The following SRRM1 variants were observed in gnomAD, a reference collection of about 807,000 sequenced individuals.
The protein encoded by SRRM1 is serine and arginine repetitive matrix 1.
In SRRM1, 19 loss-of-function variants were observed where a neutral mutation model predicts 110.2. The ratio of observed to expected loss-of-function variants is 0.17; its 90% CI spans 0.12 to 0.25. The LOEUF (loss-of-function observed/expected upper bound fraction) is 0.25. Among genes scored for constraint, SRRM1 ranks in the 10% least tolerant of loss-of-function variants. The pLI, the probability that SRRM1 is intolerant of heterozygous loss-of-function variation, is 1.00. For missense variants in SRRM1, 918 were observed against 1,145.8 expected (o/e 0.80, Z 2.87); for synonymous variants, 443 against 414.9 (o/e 1.07, Z -0.82).
rs746032331 is a variant in SRRM1, at chr1:24,653,002, G to A, written c.1010G>A (p.Arg337Lys). 4.3e-6 allele frequency: 7 copies of A among 1,613,718 alleles called. No homozygotes were observed. The highest frequency in any genetic ancestry group is 5.1e-6 in the Non-Finnish European group (6 of 1,179,790). Residue 337 changes from arginine (R) to lysine (K), a missense_variant, in exon 8 of 17, where the codon AGG becomes AAG. Physicochemically the swap from Arg to Lys is conservative, Grantham distance 26 (BLOSUM62 2). Transcript: ENST00000323848. ...CCAAGAAGAATGCCTCCTCCACCAAGGCATAGAAGGAGTAGATCTCCAGTA... is the reference window on the plus strand; with the variant it reads ...CCAAGAAGAATGCCTCCTCCACCAAAGCATAGAAGGAGTAGATCTCCAGTA... ...TPPRRMPPPP[R>K]HRRSRSPVRR...
chr1:24,651,727 T>C lies in SRRM1; in HGVS notation c.725+115T>C, dbSNP rs964024579. The C allele has an allele frequency of 1.1e-5, 10 of 904,878 alleles. No homozygotes were observed. The African/African-American group carries it at 1.4e-4, about 12-fold the overall frequency. 56.1% of individuals were successfully genotyped at this position (904,878 alleles called of 1,614,324 possible). On this transcript the variant is annotated intron_variant, in intron 6 of 16. Coordinates refer to ENST00000323848, the MANE Select transcript of SRRM1 (RefSeq NM_005839.4). ...TATTTTCCTTTTAGATTTTTTAAAT[T>C]ATAAAATTAGTTTGTTGAAAAGAAA...
At chr1:24,653,366 T>TA (rs2148394256) in intron 8 of SRRM1, among the ~76,000 whole-genome samples, 1 of 152,324 alleles carries the variant, frequency 6.6e-6, no homozygotes, top group South Asian at 2.1e-4. Flanking sequence ...AAGTAGCTGA[T>TA]TATAGGGCCA....
At chr1:24,665,358 G>A (rs1193674382) in intron 12 of SRRM1, among the ~76,000 whole-genome samples, 2 of 152,042 alleles carry the variant, frequency 1.3e-5, no homozygotes, top group African/African-American at 4.8e-5. Context: ...GAATCCGGGA[G>A]GTGGAGGTTG....
At chr1:24,643,693 G>A (rs1570603816) in intron 1 of SRRM1, 1 of 336,080 alleles carries the variant, frequency 3.0e-6, no homozygotes, top group Non-Finnish European at 5.4e-6. Flanking sequence ...CGGAGCCGGA[G>A]GAGGAAGTCC....
chr1:24,643,455 C>A (rs1239905932), intron 1 of SRRM1, 108 bp downstream of exon 1: 26 of 748,444 alleles, frequency 3.5e-5, no homozygotes, highest in Non-Finnish European at 4.6e-5. Context: ...CTTCGGAGAT[C>A]TTAAGGATTC....
At position 24,666,867 on chromosome 1, in the gene SRRM1, CCTT is replaced by C. The variant is rs1670272683; in HGVS notation, c.1684_1686del (p.Ser562del). The stretch of plus-strand genomic sequence containing the variant: ...ACCACCCACCAGAAGGCGACGGTCT[CCTT>C]CTCCCGCCCCTCCTCCTCGACGGCG... On this transcript the variant is annotated inframe_deletion, in exon 13 of 17. Transcript: ENST00000323848. 1.2e-6 allele frequency: 2 copies of C among 1,612,856 alleles called. No individual in the cohort carries two copies. Among genetic ancestry groups the C allele is most frequent in the Non-Finnish European group, 1.7e-6 (2 of 1,179,574 alleles).
At chr1:24,665,541 G>A (rs1257927334) in intron 12 of SRRM1, among the ~76,000 whole-genome samples, 12 of 151,718 alleles carry the variant, frequency 7.9e-5, no homozygotes, top group Admixed American at 5.3e-4. Context: ...GTGAAACCCC[G>A]TCTCTACTAA....
At chr1:24,645,748 G>A (rs1657118853) in intron 1 of SRRM1, among the ~76,000 whole-genome samples, 1 of 152,306 alleles carries the variant, frequency 6.6e-6, no homozygotes, top group Non-Finnish European at 1.5e-5. Context: ...GCTTTATGCT[G>A]TATACTGTTG....
chr1:24,666,816 G>A lies in SRRM1; in HGVS notation c.1630G>A (p.Gly544Ser), dbSNP rs777442101. ...RKRQKETSPR[G>S]RRRRSPSPPP... ...TAACTATAATTCTTCTTGGTTTAGT[G>A]GTAGACGGAGGAGAAGTCCATCCCC... is the stretch of plus-strand genomic sequence containing the variant. The change falls in exon 13 of 17, where the codon GGT becomes AGT. Residue 544 changes from glycine (G) to serine (S), a missense_variant and splice_region_variant. This residue lies in a region of SRRM1 where 357 missense variants were observed against 402.9 expected (regional missense o/e 0.89). Coordinates refer to ENST00000323848, the MANE Select transcript of SRRM1 (RefSeq NM_005839.4). The A allele has an allele frequency of 7.4e-6, 12 of 1,612,114 alleles. No individual in the cohort carries two copies. In the African/African-American group the frequency reaches 1.5e-4, roughly 20 times the overall value.
chr1:24,650,112 A>C, intron 5 of SRRM1, 26 bp downstream of exon 5: 1 of 1,506,420 alleles, frequency 6.6e-7, no homozygotes, highest in African/African-American at 1.4e-5. Flanking sequence ...TGCATAACTG[A>C]TGTTTTACAG....
intron 16 of SRRM1, 106 bp from the exon 17 acceptor site, chr1:24,672,076 A>G: frequency 1.2e-6 from 1 of 818,292 alleles, no homozygotes; most frequent in South Asian, 1.7e-5. Context: ...ACCCCACAAC[A>G]GTCCCCGGTG....
At position 24,666,839 on chromosome 1, in the gene SRRM1, C is replaced by T. The variant is rs745432720; in HGVS notation, c.1653C>T (p.Ser551=). Residue 551 remains serine (S), a synonymous_variant, in exon 13 of 17, where the codon TCC becomes TCT. Transcript: ENST00000323848. ...SPRGRRRRSP[S]PPPTRRRRSP... is the part of the protein sequence containing the mutation. ...GTGGTAGACGGAGGAGAAGTCCATCCCCACCACCCACCAGAAGGCGACGGT... is the reference window on the plus strand; with the variant it reads ...GTGGTAGACGGAGGAGAAGTCCATCTCCACCACCCACCAGAAGGCGACGGT... 1.2e-6 allele frequency: 2 copies of T among 1,613,018 alleles called. No homozygotes were observed. Among genetic ancestry groups the T allele is most frequent in the Non-Finnish European group, 8.5e-7 (1 of 1,179,560 alleles).
intron 5 of SRRM1, among the ~76,000 whole-genome samples, chr1:24,651,128 A>G (rs1174274229): frequency 6.6e-6 from 1 of 152,164 alleles, no homozygotes; most frequent in East Asian, 1.9e-4. Flanking sequence ...GCCTCTGAAA[A>G]GTTGGTCTTT....
chr1:24,645,790 T>C (rs1380901155), intron 1 of SRRM1, among the ~76,000 whole-genome samples, 194 bp from the exon 2 acceptor site: 1 of 152,252 alleles, frequency 6.6e-6, no homozygotes, highest in Non-Finnish European at 1.5e-5. Flanking sequence ...AACATATACT[T>C]GATAATTTAA....
intron 6 of SRRM1, among the ~76,000 whole-genome samples, chr1:24,651,849 C>T (rs939007632): frequency 5.3e-5 from 8 of 150,916 alleles, no homozygotes; most frequent in Non-Finnish European, 1.2e-4. Context: ...TTGTAACTTG[C>T]TTTTTTTCCT....
rs936417674 is a variant in SRRM1, at chr1:24,643,315, C to T, written c.-12C>T. 5 of 1,564,268 alleles carry T rather than the reference C, an allele frequency of 3.2e-6. No homozygotes were observed. Among genetic ancestry groups the T allele is most frequent in the African/African-American group, 2.8e-5 (2 of 70,202 alleles). The stretch of plus-strand genomic sequence containing the variant: ...CCTGGGATAGGGAGCGATCTCCGAG[C>T]GAGGCGGCAAGATGGACGCGGGATT... On this transcript the variant is annotated 5_prime_UTR_variant, in exon 1 of 17. Transcript: ENST00000323848.
chr1:24,669,534 T>C lies in SRRM1; in HGVS notation c.2151T>C (p.Ser717=), dbSNP rs1158508818. 6.2e-7 allele frequency: 1 copy of C among 1,606,882 alleles called. No individual in the cohort carries two copies. Among genetic ancestry groups the C allele is most frequent in the African/African-American group, 1.3e-5 (1 of 74,670 alleles). The part of the protein sequence containing the change: ...SPQRRQSPSP[S]TRPIRRVSRT... ...AAAGAAGGCAGTCCCCGTCTCCAAG[T>C]ACTAGGCCCATTAGGAGAGTCTCCA... Residue 717 remains serine, a synonymous_variant, in exon 14 of 17, where the codon AGT becomes AGC. Transcript: ENST00000323848.
intron 15 of SRRM1, 142 bp downstream of exon 15, chr1:24,670,457 A>G: frequency 1.1e-6 from 1 of 883,582 alleles, no homozygotes. Flanking sequence ...GATCTTGGGC[A>G]GGTTTCTGTA....
At position 24,654,906 on chromosome 1, in the gene SRRM1, A is replaced by G; in HGVS notation, c.1092A>G (p.Ser364=). The change falls in exon 9 of 17, where the codon TCA becomes TCG. Residue 364 remains serine, a synonymous_variant. Transcript: ENST00000323848. ...CTGGGAGTAGCTCATCATCCTCTTC[A>G]TCTCGTTCACGGTCACCACCAAAGA... ...SLSGSSSSSS[S]SRSRSPPKKP... The G allele has an allele frequency of 6.2e-7, 1 of 1,614,176 alleles. No homozygotes were observed. The highest frequency in any genetic ancestry group is 8.5e-7 in the Non-Finnish European group (1 of 1,180,028).
Sources: allele counts gnomAD v4.1 joint callset (sites outside exome capture counted in the v4.1 genomes callset), GRCh38; gene constraint gnomAD v4.1.1; regional missense constraint gnomAD v4.1.1; transcripts MANE v1.5; gene names NCBI Gene and HGNC (gene_info 2026-07-23, HGNC 2026-07-21).